TAF4B: variants seen among roughly 807,000 people sequenced by gnomAD.
TAF4B encodes the protein TATA-box binding protein associated factor 4b.
A neutral mutation model predicts 86.4 loss-of-function variants in TAF4B; 38 were observed. The ratio of observed to expected loss-of-function variants is 0.44; its 90% CI spans 0.34 to 0.58. TAF4B has a LOEUF of 0.58. TAF4B is among the 20% of genes least tolerant of loss of function. TAF4B has a pLI of 0.02. For synonymous variants in TAF4B, 388 were observed against 391.2 expected (o/e 0.99, Z 0.10); for missense variants, 988 against 1,027.6 (o/e 0.96, Z 0.53).
chr18:26,368,973 A>G (rs994862226), intron 14 of TAF4B, among the ~76,000 whole-genome samples: 1 of 152,192 alleles, frequency 6.6e-6, no homozygotes, highest in Non-Finnish European at 1.5e-5. Context: ...AAGAAAGGAG[A>G]AAAATGGTAG....
chr18:26,367,893 A>G (rs1183467754), intron 14 of TAF4B, among the ~76,000 whole-genome samples: 1 of 152,210 alleles, frequency 6.6e-6, no homozygotes, highest in Non-Finnish European at 1.5e-5. Flanking sequence ...AAAGCATTCC[A>G]AAAGTTTCCA....
rs75897760 is a variant in TAF4B at position 26,311,825 on chromosome 18, C to G, written c.1833-3404C>G. Among the ~76,000 whole-genome samples the G allele has an allele frequency of 2.8e-3, 421 of 152,114 alleles. 4 individuals are homozygous for G. Among genetic ancestry groups the G allele is most frequent in the East Asian group, 0.019 (97 of 5,174 alleles). On this transcript the variant is annotated intron_variant, in intron 9 of 14. Transcript: ENST00000269142. ...GAAAGATTTTTGAACAGGAAAATAACGTGACTGACTTTACTTTAGAAGAAG... is the reference window on the plus strand; with the variant it reads ...GAAAGATTTTTGAACAGGAAAATAAGGTGACTGACTTTACTTTAGAAGAAG...
chr18:26,227,123 T>C lies in TAF4B; in HGVS notation c.190T>C (p.Ser64Pro). 1 of 1,613,284 alleles carries C rather than the reference T, an allele frequency of 6.2e-7. No individual in the cohort carries two copies. Among genetic ancestry groups the C allele is most frequent in the Non-Finnish European group, 8.5e-7 (1 of 1,179,730 alleles). ...GCCCACGGCGTCCCAGCCCCTGCGG[T>C]CCCCCGTGGGGACCCTGGTGACCAA... ...VEPTASQPLR[S>P]PVGTLVTKVA... Residue 64 changes from serine (S) to proline (P), a missense_variant, in exon 1 of 15, where the codon TCC becomes CCC. Ser to Pro is a moderately conservative substitution (Grantham distance 74). Around this residue, in one of 3 missense-constraint regions of TAF4B, gnomAD observed 747 missense variants for 737.9 expected, o/e 1.01. Transcript: ENST00000269142.
rs1284927056 is a variant in TAF4B at position 26,388,753 on chromosome 18, G to A, written c.2422-1092G>A. On this transcript the variant is annotated intron_variant, in intron 14 of 14. Transcript: ENST00000269142. ...GGAAGCCAGAGTGATGGGTTTATAC[G>A]TGATATGGTGGATAATATAGCACAG... Among the ~76,000 whole-genome samples, 6 of 152,302 alleles carry A rather than the reference G, an allele frequency of 3.9e-5. No homozygotes were observed. The East Asian group carries it at 5.8e-4, about 15-fold the overall frequency.
chr18:26,272,890 C>CTA (rs2056338817), intron 3 of TAF4B, among the ~76,000 whole-genome samples: 2 of 151,506 alleles, frequency 1.3e-5, no homozygotes, highest in Non-Finnish European at 3.0e-5. Flanking sequence ...GCATTTGAGG[C>CTA]TCTATATTTA....
At chr18:26,244,977 C>T (rs1568100530) in intron 1 of TAF4B, among the ~76,000 whole-genome samples, 2 of 152,326 alleles carry the variant, frequency 1.3e-5, no homozygotes, top group East Asian at 3.9e-4. Flanking sequence ...TCTTTCCTCT[C>T]TGTCGACCCT....
chr18:26,344,477 A>G (rs566939884), intron 13 of TAF4B, among the ~76,000 whole-genome samples: 8 of 152,164 alleles, frequency 5.3e-5, no homozygotes, highest in Non-Finnish European at 1.0e-4. Flanking sequence ...TCCTGCAGAA[A>G]TGAAGGTGAA....
chr18:26,255,919 C>T (rs2056077229), intron 1 of TAF4B: 4 of 1,247,144 alleles, frequency 3.2e-6, no homozygotes, highest in Middle Eastern at 2.7e-4. Context: ...GAAGCCATCT[C>T]TGTATCTGAG....
At chr18:26,339,675 G>A (rs933732041) in intron 13 of TAF4B, among the ~76,000 whole-genome samples, 2 of 152,166 alleles carry the variant, frequency 1.3e-5, no homozygotes, top group Non-Finnish European at 2.9e-5. Flanking sequence ...TCTAACTTCA[G>A]ACAAGCAGGC....
intron 7 of TAF4B, among the ~76,000 whole-genome samples, chr18:26,289,321 A>G (rs2056564393): frequency 6.6e-6 from 1 of 152,242 alleles, no homozygotes; most frequent in Non-Finnish European, 1.5e-5. Context: ...ATGGCAAATA[A>G]TCATTTAAAA....
At position 26,308,214 on chromosome 18, in the gene TAF4B, G is replaced by A. The variant is rs1004330660; in HGVS notation, c.1833-7015G>A. The stretch of plus-strand genomic sequence containing the variant: ...GGCTGCAGAAAGGTGAGATTGCACC[G>A]CTGCACTCCAGCCTGGGTGTCTTAA... On this transcript the variant is annotated intron_variant, in intron 9 of 14. Transcript: ENST00000269142. Among the ~76,000 whole-genome samples the A allele has an allele frequency of 2.7e-4, 41 of 152,072 alleles. 1 individual carries two copies. The highest frequency in any genetic ancestry group is 9.4e-4 in the African/African-American group (39 of 41,396).
At chr18:26,270,083 TA>T (rs973677021) in intron 3 of TAF4B, among the ~76,000 whole-genome samples, 6 of 152,094 alleles carry the variant, frequency 3.9e-5, no homozygotes, top group African/African-American at 1.4e-4. Flanking sequence ...CACCACAGGT[TA>T]AAAAAATATA....
chr18:26,389,757 G>A (rs890717964), intron 14 of TAF4B, 88 bp from the exon 15 acceptor site: 2 of 1,369,258 alleles, frequency 1.5e-6, no homozygotes, highest in South Asian at 1.4e-5. Context: ...TGACCAGAGG[G>A]TAGTGGGCTC....
chr18:26,271,998 A>C (rs2056325371), intron 3 of TAF4B, among the ~76,000 whole-genome samples: 1 of 151,006 alleles, frequency 6.6e-6, no homozygotes, highest in Admixed American at 6.6e-5. Context: ...GAAAAAAAAA[A>C]CTCAGCAAAG....
intron 13 of TAF4B, among the ~76,000 whole-genome samples, chr18:26,350,336 C>T (rs2057234683): frequency 6.6e-6 from 1 of 152,086 alleles, no homozygotes; most frequent in Non-Finnish European, 1.5e-5. Flanking sequence ...CCAGAATATA[C>T]AAATAGGCAT....
intron 1 of TAF4B, among the ~76,000 whole-genome samples, chr18:26,241,865 G>A (rs1168823654): frequency 6.6e-6 from 1 of 152,190 alleles, no homozygotes; most frequent in Non-Finnish European, 1.5e-5. Flanking sequence ...TCAGGAGCAG[G>A]TTGTTCAGTT....
At chr18:26,358,432 C>A (rs539636749) in intron 14 of TAF4B, among the ~76,000 whole-genome samples, 26 of 152,168 alleles carry the variant, frequency 1.7e-4, no homozygotes, top group African/African-American at 6.3e-4. Flanking sequence ...ATATTAGGGC[C>A]GGGCGAGGTG....
intron 6 of TAF4B, among the ~76,000 whole-genome samples, chr18:26,284,977 AT>A (rs1323833358): frequency 6.6e-6 from 1 of 151,494 alleles, no homozygotes; most frequent in East Asian, 1.9e-4. Context: ...ATTTAAAAAA[AT>A]TTTTTTTGAG....
Position 26,292,366 on chromosome 18 carries a change from A to G in TAF4B, c.1711A>G (p.Ser571Gly). The G allele has an allele frequency of 1.2e-6, 2 of 1,613,380 alleles. No homozygotes were observed. The highest frequency in any genetic ancestry group is 1.7e-6 in the Non-Finnish European group (2 of 1,179,724). ...TMPVNTIIPT[S>G]QFPPASILKQ... ...GCCAGTGAACACCATAATACCTACTAGTCAGTTTCCTCCAGGTAGATGCTG... is the reference window on the plus strand; with the variant it reads ...GCCAGTGAACACCATAATACCTACTGGTCAGTTTCCTCCAGGTAGATGCTG... Residue 571 changes from serine (S) to glycine (G), a missense_variant, in exon 8 of 15, where the codon AGT becomes GGT. By Grantham distance (56) the Ser-to-Gly change is moderately conservative. Coordinates refer to ENST00000269142, the MANE Select transcript of TAF4B (RefSeq NM_005640.3).
Sources: allele counts gnomAD v4.1 joint callset (sites outside exome capture counted in the v4.1 genomes callset), GRCh38; gene constraint gnomAD v4.1.1; regional missense constraint gnomAD v4.1.1; transcripts MANE v1.5; gene names NCBI Gene and HGNC (gene_info 2026-07-23, HGNC 2026-07-21).